Variants in SPOCK1 observed in about 807,000 individuals in gnomAD.
SPOCK1 encodes the protein SPARC (osteonectin), cwcv and kazal like domains proteoglycan 1.
SPOCK1 carries 23 observed loss-of-function variants against 55.3 expected under a neutral mutation model. The ratio of observed to expected loss-of-function variants is 0.42; its 90% CI spans 0.30 to 0.59. The LOEUF is 0.59. Ranked by LOEUF, SPOCK1 falls within the 20% of genes least tolerant of loss-of-function variation. The pLI, the probability that SPOCK1 is intolerant of heterozygous loss-of-function variation, is 0.22. For missense variants in SPOCK1, 499 were observed against 552.5 expected, an observed-to-expected ratio of 0.90 and a Z score of 0.97; for synonymous variants, 226 against 221.0, an observed-to-expected ratio of 1.02 and a Z score of -0.20.
intron 6 of SPOCK1, among the ~76,000 whole-genome samples, chr5:137,034,646 T>C (rs1400833984): frequency 1.3e-5 from 2 of 152,326 alleles, no homozygotes; most frequent in South Asian, 2.1e-4. Context: ...AGAGGTTAAA[T>C]GATTTGTCCA....
rs78145195 is a variant in SPOCK1, at chr5:137,450,212, T to C, written c.186+48161A>G. Among the ~76,000 whole-genome samples the C allele has an allele frequency of 7.7e-3, 1,167 of 152,288 alleles. 8 individuals carry two copies. The highest frequency in any genetic ancestry group is 0.012 in the Non-Finnish European group (822 of 68,028). On this transcript the variant is annotated intron_variant, in intron 2 of 10. Coordinates refer to ENST00000394945, the MANE Select transcript of SPOCK1 (RefSeq NM_004598.4). ...TTAATAGTTTTCACTCAAATTGCAA[T>C]TGATGACAACCATCAGAGGACTTGT...
chr5:137,079,825 G>T (rs1752848710), intron 5 of SPOCK1, among the ~76,000 whole-genome samples: 1 of 151,948 alleles, frequency 6.6e-6, no homozygotes, highest in South Asian at 2.1e-4. Context: ...CTCTGGACAT[G>T]ACCCTGACCA....
intron 5 of SPOCK1, among the ~76,000 whole-genome samples, chr5:137,108,865 T>C (rs973380653): frequency 1.3e-5 from 2 of 152,162 alleles, no homozygotes. Flanking sequence ...AAACCAGCTA[T>C]TAAGTACTTC....
chr5:137,393,721 T>C (rs1207555539), intron 2 of SPOCK1, among the ~76,000 whole-genome samples: 3 of 152,204 alleles, frequency 2.0e-5, no homozygotes, highest in Non-Finnish European at 4.4e-5. Context: ...CTAGGCTGTT[T>C]CCCAGCCTAG....
At chr5:137,337,950 G>A (rs1161396848) in intron 2 of SPOCK1, among the ~76,000 whole-genome samples, 1 of 152,224 alleles carries the variant, frequency 6.6e-6, no homozygotes, top group East Asian at 1.9e-4. Flanking sequence ...ATATGATCTC[G>A]AAGGCATTTT....
chr5:137,406,810 G>T (rs1433075185), intron 2 of SPOCK1, among the ~76,000 whole-genome samples: 1 of 152,184 alleles, frequency 6.6e-6, no homozygotes, highest in Admixed American at 6.5e-5. Context: ...GTTCACACCT[G>T]TAAAATGGAA....
At chr5:137,043,739 T>C (rs373774497) in intron 6 of SPOCK1, among the ~76,000 whole-genome samples, 5 of 152,210 alleles carry the variant, frequency 3.3e-5, no homozygotes, top group African/African-American at 1.2e-4. Flanking sequence ...ACCTGACCAG[T>C]ACTCAGAACT....
chr5:137,460,385 C>A (rs1264866272), intron 2 of SPOCK1, among the ~76,000 whole-genome samples: 2 of 152,132 alleles, frequency 1.3e-5, no homozygotes, highest in Non-Finnish European at 2.9e-5. Context: ...GAGACTCTTC[C>A]AGGTCAAGGT....
chr5:137,065,577 T>C (rs972204068), intron 6 of SPOCK1, among the ~76,000 whole-genome samples: 8 of 152,166 alleles, frequency 5.3e-5, no homozygotes, highest in African/African-American at 1.9e-4. Context: ...CAAGATCTGG[T>C]GGAGCAAAAA....
intron 9 of SPOCK1, among the ~76,000 whole-genome samples, 193 bp from the exon 10 acceptor site, chr5:136,979,662 C>A (rs967971071): frequency 3.9e-5 from 6 of 152,144 alleles, no homozygotes; most frequent in Admixed American, 6.5e-5. Context: ...GCGATGAGCT[C>A]TAAGGATGTC....
At chr5:137,197,762 G>A (rs138038081) in intron 3 of SPOCK1, among the ~76,000 whole-genome samples, 1,707 of 152,172 alleles carry the variant, frequency 0.011, 13 homozygotes, top group Middle Eastern at 0.024. Flanking sequence ...TTTGACCATG[G>A]GCAAGTTACT....
chr5:137,383,780 G>A (rs571273061), intron 2 of SPOCK1, among the ~76,000 whole-genome samples: 1 of 152,300 alleles, frequency 6.6e-6, no homozygotes, highest in African/African-American at 2.4e-5. Context: ...GCAGCTCTCA[G>A]GACACACTTT....
chr5:137,360,042 A>G (rs2127165610), intron 2 of SPOCK1, among the ~76,000 whole-genome samples: 1 of 152,324 alleles, frequency 6.6e-6, no homozygotes, highest in Non-Finnish European at 1.5e-5. Context: ...CTCAGAGAGG[A>G]TTTAAGACCA....
chr5:137,205,201 C>G (rs1161764315), intron 3 of SPOCK1, among the ~76,000 whole-genome samples: 1 of 152,138 alleles, frequency 6.6e-6, no homozygotes, highest in East Asian at 1.9e-4. Context: ...TGGCATGGTA[C>G]TTGGTAAGAA....
chr5:137,382,713 C>A (rs540584930), intron 2 of SPOCK1, among the ~76,000 whole-genome samples: 1 of 152,264 alleles, frequency 6.6e-6, no homozygotes, highest in East Asian at 1.9e-4. Context: ...TGGGGGAAAT[C>A]CACCCCCATA....
intron 5 of SPOCK1, among the ~76,000 whole-genome samples, chr5:137,109,419 CCTT>C (rs1282480973): frequency 6.6e-6 from 1 of 152,200 alleles, no homozygotes; most frequent in African/African-American, 2.4e-5. Flanking sequence ...TCTCCCCACT[CCTT>C]CTCAGCTAGA....
At position 137,203,393 on chromosome 5, in the gene SPOCK1, A is replaced by C. The variant is rs1313872036; in HGVS notation, c.233-62699T>G. Among the ~76,000 whole-genome samples, 3 of 152,032 alleles carry C rather than the reference A, an allele frequency of 2.0e-5. No individual in the cohort carries two copies. The East Asian group carries it at 5.8e-4, about 29-fold the overall frequency. On this transcript the variant is annotated intron_variant, in intron 3 of 10. Coordinates refer to ENST00000394945, the MANE Select transcript of SPOCK1 (RefSeq NM_004598.4). ...ATCACCACCCAGGTGTGATGAGAACATTTCCCCAAATTAGGGTGGCAAGGT... is the reference window on the plus strand; with the variant it reads ...ATCACCACCCAGGTGTGATGAGAACCTTTCCCCAAATTAGGGTGGCAAGGT...
chr5:137,120,918 C>T (rs563179128), intron 4 of SPOCK1, among the ~76,000 whole-genome samples: 5 of 152,244 alleles, frequency 3.3e-5, no homozygotes, highest in East Asian at 3.9e-4. Flanking sequence ...AAAGGAGTTA[C>T]CTAGATAAAA....
intron 9 of SPOCK1, among the ~76,000 whole-genome samples, chr5:136,982,796 A>AAATCCTTTAGTGATATT (rs1750756554): frequency 6.6e-6 from 1 of 152,204 alleles, no homozygotes; most frequent in South Asian, 2.1e-4. Flanking sequence ...TTGGTAGAAT[A>AAATCCTTTAGTGATATT]AATCCTTTAG....
Sources: gnomAD v4.1 joint callset for allele counts (sites outside exome capture counted in the v4.1 genomes callset) on GRCh38, gnomAD v4.1.1 for gene constraint, MANE v1.5 for transcripts, NCBI Gene and HGNC (gene_info 2026-07-23, HGNC 2026-07-21) for gene names.